Variants in CSMD1 observed in about 807,000 individuals in gnomAD.
The protein encoded by CSMD1 is CUB and sushi domain-containing protein 1.
Under a neutral mutation model 417.5 loss-of-function variants are expected in CSMD1, and 213 were observed. That is an observed-to-expected ratio of 0.51 (90% CI 0.46 to 0.57). CSMD1 has a LOEUF of 0.57. Among genes scored for constraint, CSMD1 ranks in the 20% least tolerant of loss-of-function variants. The pLI, the probability that CSMD1 is intolerant of heterozygous loss-of-function variation, is 0.00. For missense variants in CSMD1, 6,923 were observed against 4,529.7 expected (o/e 1.53, Z -15.17); for synonymous variants, 2,862 against 1,736.8 (o/e 1.65, Z -16.11).
chr8:4,044,103 T>C (rs1798029082), intron 3 of CSMD1, among the ~76,000 whole-genome samples: 1 of 152,176 alleles, frequency 6.6e-6, no homozygotes, highest in African/African-American at 2.4e-5. Flanking sequence ...TGATATTATT[T>C]GATATGATAT....
intron 10 of CSMD1, among the ~76,000 whole-genome samples, chr8:3,524,259 ACAAG>A (rs368146610): frequency 1.3e-5 from 2 of 151,336 alleles, no homozygotes; most frequent in African/African-American, 2.4e-5. Context: ...AGACATACAC[ACAAG>A]CACACACACA....
chr8:4,067,682 T>A (rs1799323766), intron 3 of CSMD1, among the ~76,000 whole-genome samples: 1 of 152,210 alleles, frequency 6.6e-6, no homozygotes, highest in Non-Finnish European at 1.5e-5. Context: ...ACCTAACTTG[T>A]CCTGTGGAAT....
At chr8:3,740,493 A>T (rs776135793) in intron 6 of CSMD1, among the ~76,000 whole-genome samples, 8 of 152,192 alleles carry the variant, frequency 5.3e-5, no homozygotes, top group Non-Finnish European at 1.0e-4. Context: ...CTGCGGTAAA[A>T]TACTCAGAGG....
At chr8:3,789,343 G>A (rs1447122444) in intron 5 of CSMD1, among the ~76,000 whole-genome samples, 2 of 146,596 alleles carry the variant, frequency 1.4e-5, no homozygotes, top group African/African-American at 2.5e-5. Context: ...AGAGAATAAT[G>A]TAACTTGTGT....
At chr8:3,417,383 G>C (rs556133978) in intron 12 of CSMD1, among the ~76,000 whole-genome samples, 2 of 152,152 alleles carry the variant, frequency 1.3e-5, no homozygotes, top group African/African-American at 2.4e-5. Context: ...CAAAATAGCA[G>C]ACCAAAACTC....
intron 1 of CSMD1, among the ~76,000 whole-genome samples, chr8:4,742,153 C>A (rs1218338352): frequency 6.6e-6 from 1 of 151,026 alleles, no homozygotes; most frequent in Non-Finnish European, 1.5e-5. Flanking sequence ...GCCTCAGCCT[C>A]CCGAGTAGCT....
chr8:3,916,530 G>A (rs751255352), intron 5 of CSMD1, among the ~76,000 whole-genome samples: 1 of 152,116 alleles, frequency 6.6e-6, no homozygotes, highest in East Asian at 1.9e-4. Flanking sequence ...GATACGCCTA[G>A]GTTGAAACAT....
intron 8 of CSMD1, among the ~76,000 whole-genome samples, chr8:3,586,719 CAT>C (rs1313008088): frequency 6.6e-6 from 1 of 152,128 alleles, no homozygotes; most frequent in Non-Finnish European, 1.5e-5. Context: ...TGCTATCACA[CAT>C]GTTAATTATA....
intron 2 of CSMD1, among the ~76,000 whole-genome samples, chr8:4,504,797 G>T (rs1802437017): frequency 6.6e-6 from 1 of 152,084 alleles, no homozygotes; most frequent in Admixed American, 6.5e-5. Flanking sequence ...CCATGTCCCT[G>T]CAAAGGACAT....
chr8:4,474,237 A>G (rs1800681991), intron 2 of CSMD1, among the ~76,000 whole-genome samples: 1 of 152,186 alleles, frequency 6.6e-6, no homozygotes, highest in Non-Finnish European at 1.5e-5. Context: ...TAGGTATAAC[A>G]CGAGACATAA....
intron 3 of CSMD1, among the ~76,000 whole-genome samples, chr8:4,135,618 G>A (rs1803382303): frequency 6.6e-6 from 1 of 152,082 alleles, no homozygotes; most frequent in Admixed American, 6.5e-5. Flanking sequence ...AGTTTGCACT[G>A]TTAATAGTTC....
At chr8:3,586,896 T>C (rs1025473547) in intron 8 of CSMD1, among the ~76,000 whole-genome samples, 4 of 151,878 alleles carry the variant, frequency 2.6e-5, no homozygotes, top group African/African-American at 9.7e-5. Flanking sequence ...GCCTCCGGGG[T>C]TCAAGCTATT....
chr8:4,944,097 G>A (rs144326974), intron 1 of CSMD1, among the ~76,000 whole-genome samples: 57 of 152,288 alleles, frequency 3.7e-4, no homozygotes, highest in African/African-American at 1.3e-3. Flanking sequence ...GGAGTAGAAG[G>A]AAAGGCAGAT....
chr8:3,523,015 C>CCACACA (rs35558604), intron 10 of CSMD1, among the ~76,000 whole-genome samples: 68 of 141,874 alleles, frequency 4.8e-4, no homozygotes, highest in African/African-American at 1.8e-3. Flanking sequence ...ATACACACAC[C>CCACACA]CACACACACA....
intron 3 of CSMD1, among the ~76,000 whole-genome samples, chr8:4,306,738 C>T (rs964402372): frequency 2.6e-5 from 4 of 151,980 alleles, no homozygotes; most frequent in Non-Finnish European, 4.4e-5. Context: ...AATGAGTGCC[C>T]GACCGCAGCA....
chr8:4,163,886 G>C (rs545093637), intron 3 of CSMD1, among the ~76,000 whole-genome samples: 3 of 152,030 alleles, frequency 2.0e-5, no homozygotes, highest in Non-Finnish European at 4.4e-5. Flanking sequence ...AGAAACACTG[G>C]GTTTGAATCA....
intron 2 of CSMD1, among the ~76,000 whole-genome samples, chr8:4,534,783 G>A (rs1203915349): frequency 6.6e-6 from 1 of 151,826 alleles, no homozygotes; most frequent in Non-Finnish European, 1.5e-5. Context: ...CTTTTTTTGA[G>A]GTGGAGTCTT....
intron 3 of CSMD1, among the ~76,000 whole-genome samples, chr8:4,210,381 T>C (rs186374581): frequency 1.7e-3 from 252 of 152,354 alleles, no homozygotes; most frequent in African/African-American, 5.7e-3. Context: ...AATCCAACTT[T>C]TTCTTCTCAG....
At chr8:4,006,614 T>G (rs926509941) in intron 4 of CSMD1, among the ~76,000 whole-genome samples, 3 of 152,192 alleles carry the variant, frequency 2.0e-5, no homozygotes, top group African/African-American at 7.2e-5. Context: ...ATCCTTCCCC[T>G]TGTCAAATCC....
Sources: gnomAD v4.1 joint callset for allele counts (sites outside exome capture counted in the v4.1 genomes callset) on GRCh38, gnomAD v4.1.1 for gene constraint, MANE v1.5 for transcripts, NCBI Gene and HGNC (gene_info 2026-07-23, HGNC 2026-07-21) for gene names.